The following DIAPH3 variants were observed in gnomAD, a reference collection of about 807,000 sequenced individuals.
DIAPH3 encodes protein diaphanous homolog 3.
A neutral mutation model predicts 144.3 loss-of-function variants in DIAPH3; 117 were observed. The observed-to-expected ratio is 0.81, with a 90% CI of 0.70 to 0.95. The LOEUF (loss-of-function observed/expected upper bound fraction) is 0.95. Among genes scored for constraint, DIAPH3 ranks in the 40% least tolerant of loss-of-function variants. DIAPH3 has a pLI of 0.00. For synonymous variants in DIAPH3, 519 were observed against 488.9 expected (o/e 1.06, Z -0.81); for missense variants, 1,421 against 1,412.7 (o/e 1.01, Z -0.09).
intron 9 of DIAPH3, 37 bp downstream of exon 9, chr13:60,008,507 C>T: frequency 7.4e-7 from 1 of 1,359,498 alleles, no homozygotes; most frequent in South Asian, 1.2e-5. Flanking sequence ...TAATATATGC[C>T]ATTTAAAAAC....
intron 27 of DIAPH3, among the ~76,000 whole-genome samples, chr13:59,732,479 C>T (rs1245338139): frequency 6.6e-6 from 1 of 151,382 alleles, no homozygotes; most frequent in East Asian, 1.9e-4. Context: ...GTCTCACTCC[C>T]ATCACCCAGG....
chr13:59,748,176 G>A (rs1480714078), intron 27 of DIAPH3, among the ~76,000 whole-genome samples: 2 of 152,170 alleles, frequency 1.3e-5, no homozygotes, highest in Non-Finnish European at 2.9e-5. Flanking sequence ...TTATGTACTT[G>A]TAGAAAGCTT....
chr13:59,847,312 CT>C (rs2042699403), intron 22 of DIAPH3, among the ~76,000 whole-genome samples: 1 of 152,106 alleles, frequency 6.6e-6, no homozygotes, highest in Admixed American at 6.6e-5. Context: ...AGAGAAATGC[CT>C]TCATCTGCTA....
chr13:59,965,713 A>C (rs1342039127), intron 17 of DIAPH3, among the ~76,000 whole-genome samples: 1 of 152,188 alleles, frequency 6.6e-6, no homozygotes, highest in African/African-American at 2.4e-5. Context: ...TTCTAAAATC[A>C]AAATCAGCAT....
chr13:59,924,895 T>G (rs1306988618), intron 17 of DIAPH3, 25 bp from the exon 18 acceptor site: 1 of 1,590,706 alleles, frequency 6.3e-7, no homozygotes, highest in Non-Finnish European at 8.6e-7. Flanking sequence ...TAGATCCATG[T>G]TAGGGGCAGC....
At chr13:59,682,316 C>G (rs1448806888) in intron 27 of DIAPH3, among the ~76,000 whole-genome samples, 2 of 152,164 alleles carry the variant, frequency 1.3e-5, no homozygotes, top group Non-Finnish European at 2.9e-5. Context: ...AAATCTTGCT[C>G]TATTATTTAT....
chr13:60,158,460 T>C (rs1481348218), intron 1 of DIAPH3, among the ~76,000 whole-genome samples: 1 of 152,194 alleles, frequency 6.6e-6, no homozygotes, highest in African/African-American at 2.4e-5. Flanking sequence ...TTCATTAAGC[T>C]TGTGAGCTTA....
chr13:59,956,613 G>A (rs1050760159), intron 17 of DIAPH3, among the ~76,000 whole-genome samples: 1 of 152,270 alleles, frequency 6.6e-6, no homozygotes, highest in African/African-American at 2.4e-5. Context: ...AGGGAAATGT[G>A]GAGTGGGAGC....
At chr13:60,124,339 T>C (rs2058928749) in intron 2 of DIAPH3, among the ~76,000 whole-genome samples, 1 of 152,192 alleles carries the variant, frequency 6.6e-6, no homozygotes, top group Non-Finnish European at 1.5e-5. Flanking sequence ...GCAGTTGTTC[T>C]GAGATATGTG....
At chr13:59,698,573 C>T (rs2033939797) in intron 27 of DIAPH3, among the ~76,000 whole-genome samples, 1 of 152,162 alleles carries the variant, frequency 6.6e-6, no homozygotes. Flanking sequence ...TTTCATCTAT[C>T]TTTTTAAAAT....
intron 4 of DIAPH3, among the ~76,000 whole-genome samples, chr13:60,076,455 T>C (rs2057384616): frequency 2.0e-5 from 3 of 152,204 alleles, no homozygotes; most frequent in Admixed American, 2.0e-4. Context: ...GCTGTGTTGT[T>C]TCAGCACCTG....
intron 17 of DIAPH3, among the ~76,000 whole-genome samples, chr13:59,950,346 A>T (rs73545333): frequency 0.078 from 11,830 of 152,082 alleles, 1,375 homozygotes; most frequent in African/African-American, 0.26. Context: ...CCCCAGCAGC[A>T]CATGTTTCAG....
At chr13:59,750,454 G>T (rs2036948708) in intron 27 of DIAPH3, among the ~76,000 whole-genome samples, 1 of 152,174 alleles carries the variant, frequency 6.6e-6, no homozygotes, top group Admixed American at 6.5e-5. Context: ...CCAGGTTTAA[G>T]AACATTTTAT....
chr13:60,046,435 G>T lies in DIAPH3; in HGVS notation c.496-3615C>A, dbSNP rs144159725. Reference sequence around the variant, plus strand: ...AAACCAAAATGAGATACCATCTCACGCCAGTTACAATGGCGATCATTAAAA... The same window carrying T: ...AAACCAAAATGAGATACCATCTCACTCCAGTTACAATGGCGATCATTAAAA... On this transcript the variant is annotated intron_variant, in intron 4 of 27. Coordinates refer to ENST00000400324, the MANE Select transcript of DIAPH3 (RefSeq NM_001042517.2). Among the ~76,000 whole-genome samples the T allele has an allele frequency of 2.6e-5, 4 of 152,102 alleles. No homozygotes were observed. The East Asian group carries it at 5.8e-4, about 22-fold the overall frequency.
chr13:59,702,410 G>C (rs1040173801), intron 27 of DIAPH3, among the ~76,000 whole-genome samples: 1 of 152,154 alleles, frequency 6.6e-6, no homozygotes, highest in African/African-American at 2.4e-5. Flanking sequence ...TATTGGTCTT[G>C]CTAGATATTA....
intron 24 of DIAPH3, among the ~76,000 whole-genome samples, chr13:59,819,850 GGTTTA>G (rs1478883450): frequency 6.6e-6 from 1 of 151,404 alleles, no homozygotes. Context: ...CATATTGTTT[GGTTTA>G]AATAACCACC....
intron 25 of DIAPH3, among the ~76,000 whole-genome samples, chr13:59,783,557 G>GA: frequency 1.3e-5 from 2 of 152,288 alleles, no homozygotes; most frequent in East Asian, 1.9e-4. Flanking sequence ...TGAAACTATG[G>GA]AAAAGAGTAC....
Position 59,918,647 on chromosome 13 carries a change from T to C in DIAPH3, c.2171-2398A>G, listed in dbSNP as rs76462718. Reference sequence around the variant, plus strand: ...CTAGGCTTAGGGCACTCCCTAACACTGCACCAACAACAGCAACCCATACCA... The same window carrying C: ...CTAGGCTTAGGGCACTCCCTAACACCGCACCAACAACAGCAACCCATACCA... On this transcript the variant is annotated intron_variant, in intron 18 of 27. Transcript: ENST00000400324. Among the ~76,000 whole-genome samples, 372 of 152,194 alleles carry C rather than the reference T, an allele frequency of 2.4e-3. 11 individuals are homozygous for C. In the East Asian group the frequency reaches 0.06, roughly 24 times the overall value.
chr13:59,692,258 T>C (rs1487408771), intron 27 of DIAPH3, among the ~76,000 whole-genome samples: 6 of 150,936 alleles, frequency 4.0e-5, no homozygotes, highest in Non-Finnish European at 8.8e-5. Flanking sequence ...AAAAGGAAGG[T>C]TGAGGTTTAA....
Sources: allele counts gnomAD v4.1 joint callset (sites outside exome capture counted in the v4.1 genomes callset), GRCh38; gene constraint gnomAD v4.1.1; transcripts MANE v1.5; gene names NCBI Gene and HGNC (gene_info 2026-07-23, HGNC 2026-07-21).